Variants in COL25A1 observed in about 807,000 individuals in gnomAD.
COL25A1 encodes the protein collagen type XXV alpha 1 chain, also known as collagen alpha-1(XXV) chain.
A neutral mutation model predicts 128.4 loss-of-function variants in COL25A1; 103 were observed. That is an observed-to-expected ratio of 0.80 (90% CI 0.68 to 0.94). The LOEUF (loss-of-function observed/expected upper bound fraction) is 0.94, where lower values mean the gene tolerates loss of function less well. Among genes scored for constraint, COL25A1 ranks in the 40% least tolerant of loss-of-function variants. COL25A1 has a pLI of 0.00. For missense variants in COL25A1, 745 were observed against 840.0 expected (o/e 0.89, Z 1.40); for synonymous variants, 279 against 277.2 (o/e 1.01, Z -0.06).
chr4:109,212,145 C>A (rs185655447), intron 3 of COL25A1, among the ~76,000 whole-genome samples: 173 of 152,248 alleles, frequency 1.1e-3, no homozygotes, highest in African/African-American at 4.0e-3. Flanking sequence ...TTGCTCATAG[C>A]AAACCACCTA....
chr4:109,040,189 T>C (rs777846519), intron 5 of COL25A1, among the ~76,000 whole-genome samples: 1 of 152,214 alleles, frequency 6.6e-6, no homozygotes, highest in Non-Finnish European at 1.5e-5. Flanking sequence ...ACTTATTTAA[T>C]GACTGAAGAA....
intron 36 of COL25A1, 79 bp downstream of exon 36, chr4:108,819,173 C>T: frequency 1.8e-6 from 2 of 1,098,126 alleles, no homozygotes. Flanking sequence ...CCAGAAAGCA[C>T]CACTTTACAC....
chr4:109,239,392 GTGTATATATA>G (rs1418046232), intron 3 of COL25A1, among the ~76,000 whole-genome samples: 67 of 95,244 alleles, frequency 7.0e-4, no homozygotes, highest in African/African-American at 2.4e-3. Flanking sequence ...GTGTGTGTGT[GTGTATATATA>G]TATATATATA....
At chr4:109,280,137 C>T (rs1361397741) in intron 3 of COL25A1, among the ~76,000 whole-genome samples, 12 of 152,174 alleles carry the variant, frequency 7.9e-5, no homozygotes, top group Admixed American at 7.9e-4. Context: ...CAGGACTGAA[C>T]AATGAAAATG....
chr4:109,213,016 G>A (rs1777696276), intron 3 of COL25A1, among the ~76,000 whole-genome samples: 1 of 152,168 alleles, frequency 6.6e-6, no homozygotes, highest in Non-Finnish European at 1.5e-5. Flanking sequence ...GGAGACCACT[G>A]ACAGGGTGTC....
chr4:109,190,816 A>C (rs1168069941), intron 3 of COL25A1, among the ~76,000 whole-genome samples: 1 of 152,162 alleles, frequency 6.6e-6, no homozygotes, highest in Non-Finnish European at 1.5e-5. Flanking sequence ...AGGCCTGTGG[A>C]TTTTATAGCT....
rs547683842 is a variant in COL25A1, at chr4:108,893,350, T to C, written c.906+3317A>G. On this transcript the variant is annotated intron_variant, in intron 16 of 37. Coordinates refer to ENST00000399132, the MANE Select transcript of COL25A1 (RefSeq NM_198721.4). ...ATACCCCATTTCGCACAGGGGAAAA[T>C]AGATAAGAAATCAATTTCTACATTT... 4.6e-5 allele frequency among the ~76,000 whole-genome samples: 7 copies of C among 152,158 alleles called. No homozygotes were observed. In the South Asian group the frequency reaches 8.3e-4, roughly 18 times the overall value.
chr4:109,249,039 T>C lies in COL25A1; in HGVS notation c.367+51544A>G, dbSNP rs1421063684. On this transcript the variant is annotated intron_variant, in intron 3 of 37. Transcript: ENST00000399132. The stretch of plus-strand genomic sequence containing the variant: ...ATTGTAATAAGGACTAGATATTTTA[T>C]CAACTTAACTAACTTACATACATGG... 4.6e-5 allele frequency among the ~76,000 whole-genome samples: 7 copies of C among 152,200 alleles called. No individual in the cohort carries two copies. The East Asian group carries it at 1.3e-3, about 29-fold the overall frequency.
At chr4:108,857,309 T>C (rs1736644389) in intron 24 of COL25A1, among the ~76,000 whole-genome samples, 1 of 152,106 alleles carries the variant, frequency 6.6e-6, no homozygotes, top group African/African-American at 2.4e-5. Flanking sequence ...CCTGTCTCTG[T>C]CTCCCTTTCT....
intron 3 of COL25A1, among the ~76,000 whole-genome samples, chr4:109,260,622 C>T (rs150624344): frequency 2.5e-4 from 38 of 152,044 alleles, no homozygotes; most frequent in Non-Finnish European, 5.0e-4. Context: ...CAGTCTCCTG[C>T]GTAGCTGGGA....
intron 3 of COL25A1, among the ~76,000 whole-genome samples, chr4:109,243,086 C>T (rs949299243): frequency 1.1e-4 from 17 of 152,060 alleles, no homozygotes; most frequent in Non-Finnish European, 1.6e-4. Context: ...TTTTGAAAAG[C>T]TTTTTCTAGG....
chr4:109,240,327 T>A (rs1048826655), intron 3 of COL25A1, among the ~76,000 whole-genome samples: 8 of 152,048 alleles, frequency 5.3e-5, no homozygotes, highest in Non-Finnish European at 1.2e-4. Context: ...TGCCATGACA[T>A]CACAACAGCT....
intron 29 of COL25A1, 131 bp from the exon 30 acceptor site, chr4:108,844,700 T>A: frequency 7.6e-7 from 1 of 1,307,506 alleles, no homozygotes; most frequent in South Asian, 1.7e-5. Context: ...GAATAAGTGA[T>A]GTGTTTGATT....
chr4:108,896,527 T>G, intron 16 of COL25A1, 140 bp downstream of exon 16: 2 of 602,242 alleles, frequency 3.3e-6, no homozygotes, highest in Non-Finnish European at 5.9e-6. Context: ...ATTTAAATGT[T>G]TTCTAATCTT....
intron 23 of COL25A1, 51 bp from the exon 24 acceptor site, chr4:108,859,784 G>C (rs774464579): frequency 7.2e-7 from 1 of 1,387,096 alleles, no homozygotes; most frequent in South Asian, 1.2e-5. Context: ...TTAGCATGTA[G>C]GGTGGACTGT....
intron 31 of COL25A1, 187 bp from the exon 32 acceptor site, chr4:108,832,620 AGTATATAACTGCAT>A (rs1733271697): frequency 1.9e-6 from 1 of 513,908 alleles, no homozygotes; most frequent in African/African-American, 1.9e-5. Flanking sequence ...AAAAGGATGA[AGTATATAACTGCAT>A]GTTTCAATGA....
intron 27 of COL25A1, among the ~76,000 whole-genome samples, chr4:108,846,772 A>ACCTCTT (rs1276498100): frequency 6.6e-6 from 1 of 151,974 alleles, no homozygotes; most frequent in Non-Finnish European, 1.5e-5. Context: ...AAGTATGACA[A>ACCTCTT]CCTCTTCACA....
intron 3 of COL25A1, among the ~76,000 whole-genome samples, chr4:109,251,278 A>T (rs1350213895): frequency 1.3e-5 from 2 of 152,176 alleles, no homozygotes; most frequent in African/African-American, 4.8e-5. Flanking sequence ...TTCTTCCACC[A>T]CTCATTCTGT....
In COL25A1 at chr4:109,265,008, C is replaced by CTT. The variant is rs78526646; in HGVS notation, c.367+35573_367+35574dup. Among the ~76,000 whole-genome samples the CTT allele has an allele frequency of 5.6e-3, 852 of 151,942 alleles. 12 individuals are homozygous for CTT. The highest frequency in any genetic ancestry group is 0.019 in the African/African-American group (802 of 41,446). On this transcript the variant is annotated intron_variant, in intron 3 of 37. Coordinates refer to ENST00000399132, the MANE Select transcript of COL25A1 (RefSeq NM_198721.4). ...TTTCTAGTTAATCTATTTATAATGCCTTTTTTTGTATAAAGAAAATGGAAA... is the reference window on the plus strand; with the variant it reads ...TTTCTAGTTAATCTATTTATAATGCCTTTTTTTTTGTATAAAGAAAATGGAAA...
Sources: allele counts gnomAD v4.1 joint callset (sites outside exome capture counted in the v4.1 genomes callset), GRCh38; gene constraint gnomAD v4.1.1; transcripts MANE v1.5; gene names NCBI Gene and HGNC (gene_info 2026-07-23, HGNC 2026-07-21).